The following CNTNAP4 variants were observed in gnomAD, a reference collection of about 807,000 sequenced individuals.
The protein encoded by CNTNAP4 is contactin-associated protein-like 4.
Under a neutral mutation model 148.4 loss-of-function variants are expected in CNTNAP4, and 98 were observed. That is an observed-to-expected ratio of 0.66 (90% CI 0.56 to 0.78). The LOEUF (loss-of-function observed/expected upper bound fraction) is 0.78. Among genes scored for constraint, CNTNAP4 ranks in the 30% least tolerant of loss-of-function variants. The probability of loss-of-function intolerance (pLI) is 0.00; values close to 1 mark genes in which losing one functional copy is unlikely to be tolerated. For missense variants in CNTNAP4, 1,935 were observed against 1,565.6 expected, an observed-to-expected ratio of 1.24 and a Z score of -3.98; for synonymous variants, 730 against 565.1, an observed-to-expected ratio of 1.29 and a Z score of -4.14.
At chr16:76,353,240 G>A (rs1439967799) in intron 2 of CNTNAP4, among the ~76,000 whole-genome samples, 1 of 152,120 alleles carries the variant, frequency 6.6e-6, no homozygotes, top group African/African-American at 2.4e-5. Context: ...GAAATTTGAT[G>A]ATGTATCTAA....
At chr16:76,434,848 C>T (rs192392959) in intron 4 of CNTNAP4, among the ~76,000 whole-genome samples, 43 of 152,188 alleles carry the variant, frequency 2.8e-4, no homozygotes, top group Admixed American at 1.0e-3. Context: ...AGTCTGGGGA[C>T]GCACTGGACC....
At chr16:76,288,874 G>A (rs1300592461) in intron 1 of CNTNAP4, among the ~76,000 whole-genome samples, 5 of 151,976 alleles carry the variant, frequency 3.3e-5, no homozygotes, top group African/African-American at 9.7e-5. Context: ...TGATTTAAAC[G>A]TCCTTTTTAT....
In CNTNAP4 at chr16:76,538,246, C is replaced by G. The variant is rs533761461; in HGVS notation, c.3126C>G (p.Ile1042Met). ...HGDMKLSREM[I>M]KFSFRTTRTP... is the part of the protein sequence containing the mutation. ...ATATGAAGCTGAGCAGAGAAATGAT[C>G]AAATTTAGTTTCCGAACAACACGAA... The change falls in exon 19 of 24, where the codon ATC (isoleucine) becomes ATG (methionine). Residue 1042 changes from isoleucine to methionine, a missense_variant. Transcript: ENST00000611870. 3 of 1,611,048 alleles carry G rather than the reference C, an allele frequency of 1.9e-6. No individual in the cohort carries two copies. The highest frequency in any genetic ancestry group is 1.7e-6 in the Non-Finnish European group (2 of 1,178,874).
At chr16:76,329,043 A>C (rs769552959) in intron 2 of CNTNAP4, among the ~76,000 whole-genome samples, 1 of 152,250 alleles carries the variant, frequency 6.6e-6, no homozygotes. Flanking sequence ...TAAAATAAAA[A>C]GTTTGTTAAA....
At chr16:76,317,518 C>G (rs972490937) in intron 2 of CNTNAP4, among the ~76,000 whole-genome samples, 4 of 152,152 alleles carry the variant, frequency 2.6e-5, no homozygotes, top group South Asian at 2.1e-4. Context: ...ACACGCTTGG[C>G]AATACTAATA....
chr16:76,517,544 T>C (rs371992272), intron 15 of CNTNAP4, among the ~76,000 whole-genome samples: 1 of 152,234 alleles, frequency 6.6e-6, no homozygotes, highest in African/African-American at 2.4e-5. Flanking sequence ...AAATTTCATT[T>C]TATTTTGCTT....
At chr16:76,366,081 T>C (rs2014089481) in intron 3 of CNTNAP4, among the ~76,000 whole-genome samples, 1 of 152,196 alleles carries the variant, frequency 6.6e-6, no homozygotes, top group Admixed American at 6.5e-5. Flanking sequence ...TTTAAGTTTT[T>C]TTATCTTTGT....
intron 2 of CNTNAP4, among the ~76,000 whole-genome samples, chr16:76,349,587 A>G (rs1965205010): frequency 6.6e-6 from 1 of 152,192 alleles, no homozygotes; most frequent in Admixed American, 6.5e-5. Flanking sequence ...TTTTATGTCA[A>G]GATGAAAATG....
intron 3 of CNTNAP4, among the ~76,000 whole-genome samples, chr16:76,390,118 C>T (rs1370635421): frequency 1.3e-5 from 2 of 152,180 alleles, no homozygotes; most frequent in Non-Finnish European, 2.9e-5. Context: ...TATCCATCAT[C>T]TCCAGGCAGT....
At chr16:76,465,367 A>T (rs2081137800) in intron 9 of CNTNAP4, among the ~76,000 whole-genome samples, 2 of 152,180 alleles carry the variant, frequency 1.3e-5, no homozygotes, top group African/African-American at 4.8e-5. Context: ...TTGTTCATAG[A>T]ATCTCTTGCT....
chr16:76,521,702 G>C (rs1159399814), intron 16 of CNTNAP4, among the ~76,000 whole-genome samples: 2 of 152,124 alleles, frequency 1.3e-5, no homozygotes, highest in Non-Finnish European at 2.9e-5. Context: ...TACTGTAACA[G>C]TTATTTTTAC....
intron 17 of CNTNAP4, among the ~76,000 whole-genome samples, chr16:76,532,424 CAA>C (rs980143518): frequency 6.6e-6 from 1 of 151,998 alleles, no homozygotes; most frequent in Non-Finnish European, 1.5e-5. Context: ...TAAACAAACA[CAA>C]AAAAATCAGA....
chr16:76,305,514 T>C (rs181714698), intron 1 of CNTNAP4, among the ~76,000 whole-genome samples: 3 of 152,280 alleles, frequency 2.0e-5, no homozygotes, highest in Admixed American at 6.5e-5. Context: ...AAAGAAATTA[T>C]CTAAGGCTTT....
chr16:76,523,288 GA>G (rs2083569128), intron 17 of CNTNAP4, among the ~76,000 whole-genome samples: 1 of 124,484 alleles, frequency 8.0e-6, no homozygotes, highest in African/African-American at 3.2e-5. Context: ...ATAGCAAAAA[GA>G]AAAGAAAACA....
chr16:76,549,075 G>C (rs1236194182), intron 21 of CNTNAP4, among the ~76,000 whole-genome samples: 1 of 152,052 alleles, frequency 6.6e-6, no homozygotes, highest in Non-Finnish European at 1.5e-5. Context: ...CAGGCAGGGG[G>C]ATCCTGGAGG....
At chr16:76,399,443 G>A (rs2078326084) in intron 3 of CNTNAP4, among the ~76,000 whole-genome samples, 1 of 152,050 alleles carries the variant, frequency 6.6e-6, no homozygotes, top group Admixed American at 6.6e-5. Context: ...TTCTCAAAAG[G>A]CAAATTTTTC....
intron 2 of CNTNAP4, among the ~76,000 whole-genome samples, chr16:76,334,997 A>G (rs1487827916): frequency 6.6e-6 from 1 of 152,072 alleles, no homozygotes; most frequent in African/African-American, 2.4e-5. Flanking sequence ...GTAGATTGGA[A>G]AATGCTGTGG....
At chr16:76,380,378 C>G (rs922826417) in intron 3 of CNTNAP4, among the ~76,000 whole-genome samples, 1 of 152,172 alleles carries the variant, frequency 6.6e-6, no homozygotes, top group East Asian at 1.9e-4. Context: ...ATCAGTCTCT[C>G]AGTCTCATTG....
At chr16:76,496,361 CAT>C (rs2082403774) in intron 14 of CNTNAP4, among the ~76,000 whole-genome samples, 1 of 152,192 alleles carries the variant, frequency 6.6e-6, no homozygotes, top group African/African-American at 2.4e-5. Flanking sequence ...GCCTCCATAA[CAT>C]ATTGCTAATT....
Sources: allele counts gnomAD v4.1 joint callset (sites outside exome capture counted in the v4.1 genomes callset), GRCh38; gene constraint gnomAD v4.1.1; transcripts MANE v1.5; gene names NCBI Gene and HGNC (gene_info 2026-07-23, HGNC 2026-07-21).